The following PAK1 variants were observed in gnomAD, a reference collection of about 807,000 sequenced individuals.
PAK1 encodes serine/threonine-protein kinase PAK 1.
PAK1 carries 29 observed loss-of-function variants against 67.4 expected under a neutral mutation model. The observed-to-expected ratio is 0.43, with a 90% CI of 0.32 to 0.59. The LOEUF (loss-of-function observed/expected upper bound fraction) is 0.59, where lower values mean the gene tolerates loss of function less well. Ranked by LOEUF, PAK1 falls within the 20% of genes least tolerant of loss-of-function variation. The pLI is 0.07. For missense variants in PAK1, 337 were observed against 670.7 expected (o/e 0.50, Z 5.50); for synonymous variants, 223 against 237.4 (o/e 0.94, Z 0.56).
At chr11:77,494,286 G>A in the PAK1 span, among the ~76,000 whole-genome samples, 1 of 152,180 alleles carries the variant, frequency 6.6e-6, no homozygotes, top group Non-Finnish European at 1.5e-5. Flanking sequence ...TACTATGCAG[G>A]CATTAAAGGG....
chr11:77,332,981 C>T, intron 13 of PAK1, 114 bp from the exon 14 acceptor site: 2 of 932,628 alleles, frequency 2.1e-6, no homozygotes, highest in South Asian at 3.0e-5. Flanking sequence ...TGCAAAGTAG[C>T]AGCTGTGTAT....
chr11:77,490,559 C>G, the PAK1 span, among the ~76,000 whole-genome samples: 2 of 151,772 alleles, frequency 1.3e-5, no homozygotes, highest in Middle Eastern at 3.4e-3. Flanking sequence ...TGAGGGGCGT[C>G]TCTGCCCGGC....
intron 2 of PAK1, 110 bp from the exon 3 acceptor site, chr11:77,380,104 AT>A (rs1949621371): frequency 1.4e-6 from 1 of 705,938 alleles, no homozygotes; most frequent in Admixed American, 2.7e-5. Context: ...AAGTCTATCT[AT>A]TAATATTTCA....
chr11:77,349,372 T>A, intron 8 of PAK1, 85 bp from the exon 9 acceptor site: 1 of 976,322 alleles, frequency 1.0e-6, no homozygotes, highest in Admixed American at 2.0e-5. Flanking sequence ...CTACACACAA[T>A]CTGTGAGTGT....
rs548054490 is a variant in PAK1 at position 77,362,494 on chromosome 11, T to C, written c.478-3477A>G. Among the ~76,000 whole-genome samples, 7 of 152,332 alleles carry C rather than the reference T, an allele frequency of 4.6e-5. No homozygotes were observed. The South Asian group carries it at 1.4e-3, about 32-fold the overall frequency. On this transcript the variant is annotated intron_variant, in intron 5 of 14. Coordinates refer to ENST00000356341, the MANE Select transcript of PAK1 (RefSeq NM_002576.5). ...GAACTGTCTGTTTTATCAGGCAGGA[T>C]AGAATAATACTTAAAAACCAACATT... is the stretch of plus-strand genomic sequence containing the variant.
At position 77,326,598 on chromosome 11, in the gene PAK1, T is replaced by C. The variant is rs180780099; in HGVS notation, c.1552-3238A>G. 2.6e-5 allele frequency among the ~76,000 whole-genome samples: 4 copies of C among 152,198 alleles called. No homozygotes were observed. In the East Asian group the frequency reaches 7.7e-4, roughly 29 times the overall value. ...TACTCTGGAGGCTGAAGTGGGAAGA[T>C]CAGCAGAACCTGGGGAGGTTGAGGC... On this transcript the variant is annotated intron_variant, in intron 14 of 14. Coordinates refer to ENST00000356341, the MANE Select transcript of PAK1 (RefSeq NM_002576.5).
intron 1 of PAK1, among the ~76,000 whole-genome samples, chr11:77,443,639 G>A (rs1233495135): frequency 1.3e-5 from 2 of 152,308 alleles, no homozygotes; most frequent in East Asian, 3.9e-4. Flanking sequence ...GGTTATTAAT[G>A]GAGCCAGGAT....
the PAK1 span, among the ~76,000 whole-genome samples, chr11:77,512,791 A>G: frequency 3.9e-3 from 588 of 152,246 alleles, 11 homozygotes; most frequent in Admixed American, 0.032. Flanking sequence ...TCTGCATATT[A>G]TAAAGAAAAT....
the PAK1 span, among the ~76,000 whole-genome samples, chr11:77,486,005 A>C: frequency 1.4e-4 from 22 of 152,046 alleles, no homozygotes; most frequent in Non-Finnish European, 3.1e-4. Flanking sequence ...CTTACAGCTC[A>C]CTCCTCCTAA....
chr11:77,326,393 T>G (rs928541755), intron 14 of PAK1, among the ~76,000 whole-genome samples: 3 of 152,180 alleles, frequency 2.0e-5, no homozygotes, highest in Non-Finnish European at 2.9e-5. Flanking sequence ...ACTAATTATC[T>G]TCTAAACTTA....
chr11:77,374,012 T>C (rs543545746), intron 5 of PAK1, among the ~76,000 whole-genome samples: 2 of 152,290 alleles, frequency 1.3e-5, no homozygotes, highest in Admixed American at 1.3e-4. Context: ...AAGCTACAAA[T>C]TAAAACTGAG....
chr11:77,490,738 G>A, the PAK1 span, among the ~76,000 whole-genome samples: 1 of 152,232 alleles, frequency 6.6e-6, no homozygotes, highest in Non-Finnish European at 1.5e-5. Context: ...CCGTGTCTGT[G>A]TAGAAAGAAG....
At chr11:77,405,461 T>C (rs1452101241) in intron 1 of PAK1, among the ~76,000 whole-genome samples, 1 of 151,964 alleles carries the variant, frequency 6.6e-6, no homozygotes, top group African/African-American at 2.4e-5. Flanking sequence ...AATGGTGGCT[T>C]AGATGATTGG....
intron 13 of PAK1, among the ~76,000 whole-genome samples, chr11:77,334,407 T>C (rs1486912813): frequency 1.3e-5 from 2 of 152,152 alleles, no homozygotes; most frequent in Admixed American, 6.5e-5. Flanking sequence ...ATCAGAGATA[T>C]TCAAGGATGA....
chr11:77,389,170 T>C (rs968700062), intron 2 of PAK1, among the ~76,000 whole-genome samples: 2 of 152,208 alleles, frequency 1.3e-5, no homozygotes, highest in African/African-American at 4.8e-5. Context: ...TTCCTACAAA[T>C]AGAATCATAC....
chr11:77,335,766 G>A (rs1398640106), intron 13 of PAK1, among the ~76,000 whole-genome samples: 1 of 152,144 alleles, frequency 6.6e-6, no homozygotes, highest in Non-Finnish European at 1.5e-5. Context: ...TAGCACACCT[G>A]TTCCTCCATT....
chr11:77,325,210 G>A, intron 14 of PAK1: 1 of 1,208,506 alleles, frequency 8.3e-7, no homozygotes, highest in South Asian at 1.5e-5. Flanking sequence ...AAACAAAACA[G>A]ACTAGATGAG....
the PAK1 span, among the ~76,000 whole-genome samples, chr11:77,528,851 T>C: frequency 6.6e-6 from 1 of 152,226 alleles, no homozygotes; most frequent in Non-Finnish European, 1.5e-5. Flanking sequence ...ATTGTTAAAT[T>C]CAGGTTCAAT....
rs1216664632 is a variant in PAK1 at position 77,329,321 on chromosome 11, G to C, written c.1551+3409C>G. ...CATCCTGATACCAAAGCCTGGCAGA[G>C]ACACAACAAAAAAAGAGAATTTTAG... On this transcript the variant is annotated intron_variant, in intron 14 of 14. Coordinates refer to ENST00000356341, the MANE Select transcript of PAK1 (RefSeq NM_002576.5). 6 of 152,160 alleles carry C rather than the reference G, an allele frequency of 3.9e-5. No individual in the cohort carries two copies. In the East Asian group the frequency reaches 1.2e-3, roughly 29 times the overall value. 9.4% of individuals were successfully genotyped at this position (152,160 alleles called of 1,614,324 possible).
Sources: allele counts gnomAD v4.1 joint callset (sites outside exome capture counted in the v4.1 genomes callset), GRCh38; gene constraint gnomAD v4.1.1; transcripts MANE v1.5; gene names NCBI Gene and HGNC (gene_info 2026-07-23, HGNC 2026-07-21).